Variants in CERS6 observed in about 807,000 individuals in gnomAD.
CERS6 encodes the protein LAG1 homolog, ceramide synthase 6.
In CERS6, 26 loss-of-function variants were observed where a neutral mutation model predicts 56.8. That is an observed-to-expected ratio of 0.46 (90% CI 0.34 to 0.63). The LOEUF is 0.63. CERS6 is among the 30% of genes least tolerant of loss of function. The probability of loss-of-function intolerance (pLI) is 0.01; values close to 1 mark genes in which losing one functional copy is unlikely to be tolerated. For missense variants in CERS6, 415 were observed against 467.5 expected (o/e 0.89, Z 1.04); for synonymous variants, 164 against 173.3 (o/e 0.95, Z 0.42).
chr2:168,676,328 GT>G (rs1380320211), intron 4 of CERS6, among the ~76,000 whole-genome samples: 1 of 152,024 alleles, frequency 6.6e-6, no homozygotes, highest in East Asian at 1.9e-4. Flanking sequence ...CCCATACACG[GT>G]TTTTTATCAT....
chr2:168,527,446 T>C (rs528232801), intron 1 of CERS6, among the ~76,000 whole-genome samples: 1 of 152,288 alleles, frequency 6.6e-6, no homozygotes, highest in Admixed American at 6.5e-5. Flanking sequence ...TTATGCAGAT[T>C]TATAATGCCA....
At chr2:168,721,262 C>T (rs1687358706) in intron 8 of CERS6, among the ~76,000 whole-genome samples, 1 of 152,084 alleles carries the variant, frequency 6.6e-6, no homozygotes, top group Admixed American at 6.5e-5. Context: ...AAGATTTATC[C>T]ATGTTGTAGC....
At chr2:168,638,076 C>T (rs1684903200) in intron 4 of CERS6, among the ~76,000 whole-genome samples, 1 of 151,060 alleles carries the variant, frequency 6.6e-6, no homozygotes, top group Admixed American at 6.6e-5. Context: ...AAAAAAAATT[C>T]AGCTGTTTAT....
intron 7 of CERS6, 101 bp from the exon 8 acceptor site, chr2:168,717,771 C>A: frequency 1.4e-6 from 1 of 716,988 alleles, no homozygotes; most frequent in Non-Finnish European, 2.3e-6. Flanking sequence ...CAATTTTATG[C>A]ATCTGGTAAG....
At chr2:168,757,129 G>A (rs17251700) in intron 8 of CERS6, among the ~76,000 whole-genome samples, 2,383 of 152,204 alleles carry the variant, frequency 0.016, 27 homozygotes, top group Non-Finnish European at 0.025. Context: ...AGGAAGAGAC[G>A]TTATAGAGAA....
chr2:168,554,666 G>A (rs1371052865), intron 2 of CERS6, among the ~76,000 whole-genome samples: 2 of 152,256 alleles, frequency 1.3e-5, no homozygotes, highest in African/African-American at 2.4e-5. Context: ...ATACACTTCT[G>A]TTGTTCAGGG....
intron 3 of CERS6, among the ~76,000 whole-genome samples, chr2:168,578,187 T>A (rs958903595): frequency 7.2e-5 from 11 of 151,764 alleles, no homozygotes; most frequent in African/African-American, 1.5e-4. Context: ...TTTTTTTTTT[T>A]AATCATTTCC....
chr2:168,730,420 A>G (rs888064750), intron 8 of CERS6, among the ~76,000 whole-genome samples: 1 of 152,250 alleles, frequency 6.6e-6, no homozygotes, highest in African/African-American at 2.4e-5. Context: ...TGCGTGTTGT[A>G]TGTTGGCTCC....
chr2:168,726,956 A>C (rs1683370307), intron 8 of CERS6, among the ~76,000 whole-genome samples: 1 of 152,210 alleles, frequency 6.6e-6, no homozygotes, highest in Non-Finnish European at 1.5e-5. Flanking sequence ...GTAAGCATGT[A>C]ATATTGAAAC....
chr2:168,615,261 T>C (rs977949959), intron 3 of CERS6, among the ~76,000 whole-genome samples: 6 of 151,846 alleles, frequency 4.0e-5, no homozygotes, highest in Admixed American at 3.3e-4. Context: ...CCCACTCAAA[T>C]GAGAAGGAAC....
intron 8 of CERS6, among the ~76,000 whole-genome samples, chr2:168,759,018 G>A (rs1254547192): frequency 6.6e-6 from 1 of 152,116 alleles, no homozygotes; most frequent in African/African-American, 2.4e-5. Flanking sequence ...TTATGTCTAT[G>A]ATGATCAAAG....
chr2:168,682,169 A>G (rs921709796), intron 4 of CERS6, among the ~76,000 whole-genome samples: 3 of 152,076 alleles, frequency 2.0e-5, no homozygotes, highest in African/African-American at 4.8e-5. Context: ...TGGTAGTTCT[A>G]TTTTTAGTTT....
intron 3 of CERS6, among the ~76,000 whole-genome samples, chr2:168,627,301 T>A (rs772843406): frequency 6.6e-6 from 1 of 152,244 alleles, no homozygotes; most frequent in Admixed American, 6.5e-5. Context: ...ACCATAGTCT[T>A]TTTATGCTAG....
At chr2:168,471,587 C>T (rs577031721) in intron 1 of CERS6, among the ~76,000 whole-genome samples, 2 of 152,252 alleles carry the variant, frequency 1.3e-5, no homozygotes, top group South Asian at 4.1e-4. Flanking sequence ...GCTGTTTCCC[C>T]CTTTTTCAGA....
At chr2:168,564,841 C>T (rs1695856022) in intron 3 of CERS6, among the ~76,000 whole-genome samples, 1 of 152,196 alleles carries the variant, frequency 6.6e-6, no homozygotes, top group South Asian at 2.1e-4. Context: ...TATGTGGTTA[C>T]TTAACTTGCC....
At chr2:168,612,320 C>T (rs1026987753) in intron 3 of CERS6, among the ~76,000 whole-genome samples, 1 of 152,144 alleles carries the variant, frequency 6.6e-6, no homozygotes, top group African/African-American at 2.4e-5. Flanking sequence ...TGAAAATTTC[C>T]AACTGATTGT....
intron 1 of CERS6, among the ~76,000 whole-genome samples, chr2:168,477,335 G>A (rs1694098285): frequency 6.6e-6 from 1 of 152,066 alleles, no homozygotes; most frequent in African/African-American, 2.4e-5. Flanking sequence ...CAAGTTTGGG[G>A]GGACATAAAC....
chr2:168,590,165 G>A (rs1474378037), intron 3 of CERS6, among the ~76,000 whole-genome samples: 1 of 152,206 alleles, frequency 6.6e-6, no homozygotes, highest in Non-Finnish European at 1.5e-5. Flanking sequence ...ATTACCAAGT[G>A]TGTTCTTGCT....
intron 1 of CERS6, among the ~76,000 whole-genome samples, chr2:168,482,245 T>C (rs1694189143): frequency 6.6e-6 from 1 of 152,250 alleles, no homozygotes; most frequent in African/African-American, 2.4e-5. Flanking sequence ...TGAATTTAAA[T>C]GCATGCTAAT....
Sources: gnomAD v4.1 joint callset for allele counts (sites outside exome capture counted in the v4.1 genomes callset) on GRCh38, gnomAD v4.1.1 for gene constraint, MANE v1.5 for transcripts, NCBI Gene and HGNC (gene_info 2026-07-23, HGNC 2026-07-21) for gene names.